Variants in RFT1 observed in about 807,000 individuals in gnomAD.
The protein encoded by RFT1 is man(5)GlcNAc(2)-PP-dolichol translocation protein RFT1.
RFT1 carries 43 observed loss-of-function variants against 62.2 expected under a neutral mutation model. The observed-to-expected ratio is 0.69, with a 90% CI of 0.54 to 0.89. The LOEUF is 0.89. Among genes scored for constraint, RFT1 ranks in the 40% least tolerant of loss-of-function variants. RFT1 has a pLI of 0.00. For synonymous variants in RFT1, 262 were observed against 264.6 expected (o/e 0.99, Z 0.10); for missense variants, 605 against 649.9 (o/e 0.93, Z 0.75).
At chr3:53,072,763 G>C in the RFT1 span, among the ~76,000 whole-genome samples, 1 of 152,202 alleles carries the variant, frequency 6.6e-6, no homozygotes, top group East Asian at 1.9e-4. Flanking sequence ...CCCTGGGGCG[G>C]CTGCTCCATT....
chr3:53,121,784 A>G lies in RFT1; in HGVS notation c.473T>C (p.Leu158Pro). 6.2e-7 allele frequency: 1 copy of G among 1,613,590 alleles called. No homozygotes were observed. The highest frequency in any genetic ancestry group is 8.5e-7 in the Non-Finnish European group (1 of 1,179,770). The change falls in exon 5 of 13, where the codon CTG (leucine) becomes CCG (proline). Residue 158 changes from leucine to proline, a missense_variant. Transcript: ENST00000296292. ...FVKLKVIAES[L>P]SVILKSVLTA... is the part of the protein sequence containing the mutation. ...CAGAACGCTCTTAAGAATTACCGAC[A>G]GGCTCTCTGCAATCACCTGCAAACA...
the RFT1 span, among the ~76,000 whole-genome samples, chr3:53,082,054 C>T: frequency 6.6e-6 from 1 of 152,124 alleles, no homozygotes; most frequent in Non-Finnish European, 1.5e-5. Context: ...AGTGATCTTC[C>T]CGCCTCAGCC....
At chr3:53,107,929 G>T (rs1359502419) in intron 7 of RFT1, among the ~76,000 whole-genome samples, 1 of 152,156 alleles carries the variant, frequency 6.6e-6, no homozygotes, top group Non-Finnish European at 1.5e-5. Flanking sequence ...CTCTCTCCAA[G>T]CCCCTGCCAC....
chr3:53,125,953 A>G lies in RFT1; in HGVS notation c.105T>C (p.Ile35=), dbSNP rs1702096844. 1.2e-6 allele frequency: 2 copies of G among 1,613,844 alleles called. No homozygotes were observed. Among genetic ancestry groups the G allele is most frequent in the African/African-American group, 2.7e-5 (2 of 74,942 alleles). ...RLITFVLNAF[I]LRFLSKEIVG... is the part of the protein sequence containing the mutation. ...CGATTTCCTTTGACAGGAAGCGAAG[A>G]ATAAATGCATTCAAGACAAAGGTGA... is the stretch of plus-strand genomic sequence containing the variant. Residue 35 remains isoleucine, a synonymous_variant, in exon 2 of 13, where the codon ATT becomes ATC. Coordinates refer to ENST00000296292, the MANE Select transcript of RFT1 (RefSeq NM_052859.4).
chr3:53,113,170 C>G (rs1001677276), intron 6 of RFT1, among the ~76,000 whole-genome samples: 3 of 152,092 alleles, frequency 2.0e-5, no homozygotes, highest in African/African-American at 7.2e-5. Context: ...TGTGTGCCAC[C>G]ATGCCTGGCT....
Position 53,119,904 on chromosome 3 carries a change from G to T in RFT1, c.676C>A (p.Pro226Thr), listed in dbSNP as rs1701918988. The change falls in exon 6 of 13, where the codon CCC (proline) becomes ACC (threonine). Residue 226 changes from proline (P) to threonine (T), a missense_variant. Pro to Thr is a conservative substitution (Grantham distance 38). Transcript: ENST00000296292. ...CTTACTCCATTTCTTGTAATATTGGGTAACAGATCTGTTATTCTGGAGACA... is the reference window on the plus strand; with the variant it reads ...CTTACTCCATTTCTTGTAATATTGGTTAACAGATCTGTTATTCTGGAGACA... ...LPVSRITDLL[P>T]NITRNGAFIN... The T allele has an allele frequency of 1.2e-6, 2 of 1,611,670 alleles. No individual in the cohort carries two copies. Among genetic ancestry groups the T allele is most frequent in the African/African-American group, 1.3e-5 (1 of 74,842 alleles).
chr3:53,101,732 G>A (rs547529006), intron 10 of RFT1, among the ~76,000 whole-genome samples: 19 of 152,244 alleles, frequency 1.2e-4, no homozygotes, highest in Non-Finnish European at 2.4e-4. Flanking sequence ...TATGACAGGT[G>A]TCCTTATAAA....
intron 2 of RFT1, among the ~76,000 whole-genome samples, 197 bp downstream of exon 2, chr3:53,125,712 C>T (rs955615891): frequency 1.3e-5 from 2 of 152,218 alleles, no homozygotes; most frequent in Non-Finnish European, 2.9e-5. Flanking sequence ...GAAAACACTC[C>T]ATGAGTCCAT....
At chr3:53,110,466 C>T (rs574352313) in intron 7 of RFT1, among the ~76,000 whole-genome samples, 10 of 152,164 alleles carry the variant, frequency 6.6e-5, no homozygotes, top group Admixed American at 3.9e-4. Flanking sequence ...CTCCCTTCCC[C>T]GAGAAGGCCT....
intron 2 of RFT1, among the ~76,000 whole-genome samples, chr3:53,125,603 GT>G (rs1483870869): frequency 2.6e-5 from 4 of 152,216 alleles, no homozygotes; most frequent in African/African-American, 9.6e-5. Flanking sequence ...CTGAGAGAGA[GT>G]TTTTAATGAA....
rs9878875 is a variant in RFT1, at chr3:53,122,851, T to C, written c.267-288A>G. Among the ~76,000 whole-genome samples the C allele has an allele frequency of 0.27, 40,425 of 152,032 alleles. 5,740 individuals are homozygous for C. The highest frequency in any genetic ancestry group is 0.4 in the Middle Eastern group (117 of 292). ...AATCAAGGGCAGAAGCAAGACCCAA[T>C]CCTGCAATAACTCCAAAGCCTAAAC... On this transcript the variant is annotated intron_variant, in intron 3 of 12. Coordinates refer to ENST00000296292, the MANE Select transcript of RFT1 (RefSeq NM_052859.4).
At chr3:53,077,400 G>A in the RFT1 span, among the ~76,000 whole-genome samples, 10 of 152,354 alleles carry the variant, frequency 6.6e-5, no homozygotes, top group Non-Finnish European at 1.0e-4. Flanking sequence ...CTACAAAGAT[G>A]AGCCTCCAGC....
Position 53,103,971 on chromosome 3 carries a change from T to C in RFT1, c.1084A>G (p.Met362Val). Residue 362 changes from methionine (M) to valine (V), a missense_variant, in exon 10 of 13, where the codon ATG (methionine) becomes GTG (valine). Transcript: ENST00000296292. ...QLALDIYGGT[M>V]LSSGSGPVLL... The stretch of plus-strand genomic sequence containing the variant: ...TGCGTACCGGATCCTGAGCTAAGCA[T>C]GGTCCCTCCGTAGATATCCAGAGCC... 6.2e-7 allele frequency: 1 copy of C among 1,614,232 alleles called. No homozygotes were observed. The highest frequency in any genetic ancestry group is 2.2e-5 in the East Asian group (1 of 44,886).
At chr3:53,080,486 C>A in the RFT1 span, among the ~76,000 whole-genome samples, 1 of 152,174 alleles carries the variant, frequency 6.6e-6, no homozygotes, top group Admixed American at 6.5e-5. Flanking sequence ...GAGGGTAAAG[C>A]AATGTTTCCA....
chr3:53,070,435 T>A, the RFT1 span, among the ~76,000 whole-genome samples: 1 of 120,876 alleles, frequency 8.3e-6, no homozygotes, highest in South Asian at 3.0e-4. Context: ...GGAGTCTCAC[T>A]CTGTCGCCCA....
chr3:53,111,993 C>T, intron 6 of RFT1, 85 bp from the exon 7 acceptor site: 1 of 1,065,628 alleles, frequency 9.4e-7, no homozygotes, highest in Non-Finnish European at 1.4e-6. Flanking sequence ...CAAATGCAAT[C>T]TGGTCTCTAA....
intron 11 of RFT1, among the ~76,000 whole-genome samples, chr3:53,098,616 C>T (rs941074466): frequency 1.3e-5 from 2 of 151,974 alleles, no homozygotes; most frequent in African/African-American, 2.4e-5. Flanking sequence ...ACCTGGCTGA[C>T]ACGGTGAAAC....
the RFT1 span, among the ~76,000 whole-genome samples, chr3:53,079,964 C>T: frequency 3.3e-5 from 5 of 152,160 alleles, no homozygotes. Flanking sequence ...CCTCGTGGGC[C>T]ACCGTGGCCC....
At chr3:53,106,250 T>TA (rs1701471562) in intron 8 of RFT1, among the ~76,000 whole-genome samples, 1 of 151,492 alleles carries the variant, frequency 6.6e-6, no homozygotes, top group South Asian at 2.1e-4. Flanking sequence ...AAAAAATAAA[T>TA]AAAAAAGACA....
Sources: gnomAD v4.1 joint callset for allele counts (sites outside exome capture counted in the v4.1 genomes callset) on GRCh38, gnomAD v4.1.1 for gene constraint, MANE v1.5 for transcripts, NCBI Gene and HGNC (gene_info 2026-07-23, HGNC 2026-07-21) for gene names.